Variants in RBFOX3 observed in about 807,000 individuals in gnomAD.
The protein encoded by RBFOX3 is RNA binding fox-1 homolog 3.
RBFOX3 carries 17 observed loss-of-function variants against 48.7 expected under a neutral mutation model. The observed-to-expected ratio is 0.35, with a 90% confidence interval of 0.24 to 0.52. RBFOX3 has a LOEUF of 0.52. RBFOX3 is among the 20% of genes least tolerant of loss of function. The pLI is 0.94. For synonymous variants in RBFOX3, 212 were observed against 209.5 expected, an observed-to-expected ratio of 1.01 and a Z score of -0.10; for missense variants, 382 against 497.5, an observed-to-expected ratio of 0.77 and a Z score of 2.21.
rs901990181 is a variant in RBFOX3, at chr17:79,090,762, T to C, written c.*121A>G. ...TGGACTTGGTTGGATGCCTCTTGGT[T>C]TGGTTGGTTTTTTTTTTGTTGCTTG... On this transcript the variant is annotated 3_prime_UTR_variant, in exon 15 of 15. Coordinates refer to ENST00000693108, the MANE Select transcript of RBFOX3 (RefSeq NM_001350451.2). 2 of 1,230,932 alleles carry C rather than the reference T, an allele frequency of 1.6e-6. No homozygotes were observed. The highest frequency in any genetic ancestry group is 3.2e-5 in the South Asian group (2 of 63,342). The allele number at this position is 1,230,932 out of a possible 1,614,324, so 76.3% of individuals were successfully genotyped here. A position where few individuals can be genotyped will look rare whatever the true frequency, so the allele number is the denominator to read the frequency against.
Position 79,454,538 on chromosome 17 carries a change from T to C in RBFOX3, c.-175+27916A>G, listed in dbSNP as rs1302563792. ...CCAATCTCTAGCTATTTGTAGGTCC[T>C]CCTGGCCTGTCCACAGCAAAGGGGT... On this transcript the variant is annotated intron_variant, in intron 2 of 14. Transcript: ENST00000693108. Among the ~76,000 whole-genome samples the C allele has an allele frequency of 2.0e-5, 3 of 152,248 alleles. No homozygotes were observed. The East Asian group carries it at 5.8e-4, about 29-fold the overall frequency.
rs370925113 is a variant in RBFOX3, at chr17:79,301,400, C to T, written c.-74+6324G>A. Among the ~76,000 whole-genome samples, 28 of 152,310 alleles carry T rather than the reference C, an allele frequency of 1.8e-4. No individual in the cohort carries two copies. The South Asian group carries it at 2.1e-3, about 11-fold the overall frequency. On this transcript the variant is annotated intron_variant, in intron 3 of 14. Coordinates refer to ENST00000693108, the MANE Select transcript of RBFOX3 (RefSeq NM_001350451.2). ...TCCCATAAGCCTTGTGCAGCACCAG[C>T]GGGAACACTGCCTTGGTGGCATGTG...
At chr17:79,284,632 G>A (rs2144598042) in intron 3 of RBFOX3, among the ~76,000 whole-genome samples, 1 of 149,926 alleles carries the variant, frequency 6.7e-6, no homozygotes, top group African/African-American at 2.5e-5. Flanking sequence ...CTCTGCCTCT[G>A]GGGTTCAAGG....
intron 1 of RBFOX3, among the ~76,000 whole-genome samples, chr17:79,517,325 A>C (rs1174572048): frequency 3.3e-5 from 5 of 151,588 alleles, no homozygotes; most frequent in African/African-American, 1.2e-4. Flanking sequence ...GGTGCCTATA[A>C]TCCCAGCTAC....
At chr17:79,384,414 C>T (rs1460956726) in intron 2 of RBFOX3, among the ~76,000 whole-genome samples, 2 of 152,106 alleles carry the variant, frequency 1.3e-5, no homozygotes, top group African/African-American at 4.8e-5. Context: ...GTCCACCTCC[C>T]TGGGAGTACA....
chr17:79,233,186 A>G (rs2061237019), intron 4 of RBFOX3, among the ~76,000 whole-genome samples: 1 of 152,246 alleles, frequency 6.6e-6, no homozygotes, highest in Non-Finnish European at 1.5e-5. Flanking sequence ...AGAAAAGTAT[A>G]TCTATGTCCA....
chr17:79,636,676 CA>C, the RBFOX3 span, among the ~76,000 whole-genome samples: 2 of 150,658 alleles, frequency 1.3e-5, no homozygotes, highest in Non-Finnish European at 3.0e-5. Context: ...AGTGGATACA[CA>C]AAAGCAAAAG....
chr17:79,578,643 G>C (rs2092941775), intron 1 of RBFOX3, among the ~76,000 whole-genome samples: 1 of 152,278 alleles, frequency 6.6e-6, no homozygotes, highest in African/African-American at 2.4e-5. Context: ...TCTGGATGCT[G>C]CGTGAATTCA....
chr17:79,256,507 C>T (rs1416194786), intron 3 of RBFOX3, among the ~76,000 whole-genome samples: 7 of 152,210 alleles, frequency 4.6e-5, no homozygotes, highest in Non-Finnish European at 8.8e-5. Context: ...TGCAAACCTG[C>T]TCCATTTACT....
chr17:79,521,073 G>A (rs963373031), intron 1 of RBFOX3, among the ~76,000 whole-genome samples: 9 of 152,178 alleles, frequency 5.9e-5, no homozygotes, highest in South Asian at 2.1e-4. Context: ...CGGAAGACAC[G>A]CAAAGAGGAT....
chr17:79,394,591 A>G lies in RBFOX3; in HGVS notation c.-174-86767T>C, dbSNP rs139672368. Among the ~76,000 whole-genome samples, 97 of 152,360 alleles carry G rather than the reference A, an allele frequency of 6.4e-4. 1 individual carries two copies. The East Asian group carries it at 0.016, about 26-fold the overall frequency. The stretch of plus-strand genomic sequence containing the variant: ...GGCAGCACGCACAGTCCTCCCAGCG[A>G]GATGAGCAAATGAAGGACGTGAACT... On this transcript the variant is annotated intron_variant, in intron 2 of 14. Coordinates refer to ENST00000693108, the MANE Select transcript of RBFOX3 (RefSeq NM_001350451.2).
At chr17:79,125,152 A>C (rs2036851646) in intron 4 of RBFOX3, among the ~76,000 whole-genome samples, 1 of 152,090 alleles carries the variant, frequency 6.6e-6, no homozygotes, top group African/African-American at 2.4e-5. Flanking sequence ...TCCTGATGAC[A>C]TGACGGTGTG....
intron 2 of RBFOX3, among the ~76,000 whole-genome samples, chr17:79,467,896 C>G (rs944023935): frequency 1.3e-5 from 2 of 152,060 alleles, no homozygotes; most frequent in African/African-American, 4.8e-5. Context: ...GCCCTCTGAC[C>G]CTCTGATTTC....
At chr17:79,474,020 G>T (rs940305880) in intron 2 of RBFOX3, among the ~76,000 whole-genome samples, 81 of 151,630 alleles carry the variant, frequency 5.3e-4, no homozygotes, top group African/African-American at 1.9e-3. Context: ...TCGGGTAAAA[G>T]AATAATTTTC....
intron 3 of RBFOX3, among the ~76,000 whole-genome samples, chr17:79,262,039 T>G (rs2148481441): frequency 6.6e-6 from 1 of 152,372 alleles, no homozygotes; most frequent in East Asian, 1.9e-4. Flanking sequence ...AGATTCCTTT[T>G]GAGGTTTGAG....
intron 4 of RBFOX3, among the ~76,000 whole-genome samples, chr17:79,129,713 G>T (rs2038312307): frequency 6.6e-6 from 1 of 152,246 alleles, no homozygotes; most frequent in South Asian, 2.1e-4. Context: ...GGCTCCGTGG[G>T]GAAAAGACTG....
intron 2 of RBFOX3, among the ~76,000 whole-genome samples, chr17:79,337,958 A>G (rs1437779803): frequency 8.3e-6 from 1 of 120,220 alleles, no homozygotes; most frequent in African/African-American, 3.6e-5. Context: ...TTTTTTTTTT[A>G]GACAGAGTCT....
At chr17:79,564,968 G>A (rs1367653843) in intron 1 of RBFOX3, among the ~76,000 whole-genome samples, 1 of 150,192 alleles carries the variant, frequency 6.7e-6, no homozygotes, top group East Asian at 2.0e-4. Flanking sequence ...TTGAACCCGG[G>A]AGGCGGAGTT....
the RBFOX3 span, among the ~76,000 whole-genome samples, chr17:79,635,311 G>T: frequency 0.069 from 10,522 of 152,086 alleles, 937 homozygotes; most frequent in African/African-American, 0.19. Context: ...GGAACCATCT[G>T]CTCAAAGGCA....
Sources: allele counts gnomAD v4.1 joint callset (sites outside exome capture counted in the v4.1 genomes callset), GRCh38; gene constraint gnomAD v4.1.1; transcripts MANE v1.5; gene names NCBI Gene and HGNC (gene_info 2026-07-23, HGNC 2026-07-21).